The following GARRE1 variants were observed in gnomAD, a reference collection of about 807,000 sequenced individuals.
The protein encoded by GARRE1 is granule associated Rac and RHOG effector protein 1.
In GARRE1, 49 loss-of-function variants were observed where a neutral mutation model predicts 103.2. The ratio of observed to expected loss-of-function variants is 0.47; its 90% CI spans 0.38 to 0.60. The LOEUF (loss-of-function observed/expected upper bound fraction) is 0.60. Ranked by LOEUF, GARRE1 falls within the 20% of genes least tolerant of loss-of-function variation. GARRE1 has a pLI of 0.00. For synonymous variants in GARRE1, 505 were observed against 532.8 expected (o/e 0.95, Z 0.72); for missense variants, 1,199 against 1,370.5 (o/e 0.87, Z 1.98).
intron 7 of GARRE1, among the ~76,000 whole-genome samples, chr19:34,331,279 T>C (rs938556431): frequency 6.6e-6 from 1 of 152,182 alleles, no homozygotes; most frequent in Non-Finnish European, 1.5e-5. Flanking sequence ...TGGAGCTACA[T>C]TGGATGTCTG....
In GARRE1 at chr19:34,342,394, C is replaced by T; in HGVS notation, c.2460C>T (p.Asn820=). Residue 820 remains asparagine (N), a synonymous_variant, in exon 10 of 14, where the codon AAC becomes AAT. Transcript: ENST00000299505. ...PQGPRNNTWP[N]RDQSDGVFGM... is the part of the protein sequence containing the mutation. Reference sequence around the variant, plus strand: ...GACCTAGAAATAACACCTGGCCCAACCGTGACCAAAGTGATGGAGTCTTTG... The same window carrying T: ...GACCTAGAAATAACACCTGGCCCAATCGTGACCAAAGTGATGGAGTCTTTG... 6.2e-7 allele frequency: 1 copy of T among 1,614,162 alleles called. No individual in the cohort carries two copies. Among genetic ancestry groups the T allele is most frequent in the East Asian group, 2.2e-5 (1 of 44,882 alleles).
chr19:34,261,019 C>T (rs548482589), intron 1 of GARRE1, among the ~76,000 whole-genome samples: 1 of 152,304 alleles, frequency 6.6e-6, no homozygotes, highest in African/African-American at 2.4e-5. Flanking sequence ...GCAGCGTTCC[C>T]TCCACAAAGC....
intron 1 of GARRE1, among the ~76,000 whole-genome samples, chr19:34,270,266 C>T (rs773487866): frequency 2.0e-5 from 3 of 152,228 alleles, no homozygotes; most frequent in Non-Finnish European, 4.4e-5. Context: ...CTTTTCACTA[C>T]CTTCTTCCTC....
At chr19:34,307,814 A>AT (rs59757372) in intron 2 of GARRE1, among the ~76,000 whole-genome samples, 2,887 of 109,654 alleles carry the variant, frequency 0.026, 135 homozygotes, top group East Asian at 0.13. Flanking sequence ...ATATATATAT[A>AT]TTTTTTTTTT....
intron 2 of GARRE1, among the ~76,000 whole-genome samples, chr19:34,313,117 G>A (rs1027675266): frequency 6.6e-6 from 1 of 152,146 alleles, no homozygotes; most frequent in African/African-American, 2.4e-5. Context: ...TATCCCATGG[G>A]TGATTTCTAC....
intron 2 of GARRE1, among the ~76,000 whole-genome samples, chr19:34,306,474 G>C (rs1388863676): frequency 6.6e-6 from 1 of 152,194 alleles, no homozygotes. Context: ...GGTGGTTGCT[G>C]ACTGTGTGCT....
chr19:34,328,385 C>A (rs1568307674), intron 6 of GARRE1, among the ~76,000 whole-genome samples: 1 of 151,644 alleles, frequency 6.6e-6, no homozygotes. Flanking sequence ...AAAAATCAGC[C>A]GGGTACGGTG....
chr19:34,262,038 C>T (rs1195383880), intron 1 of GARRE1, among the ~76,000 whole-genome samples: 1 of 152,066 alleles, frequency 6.6e-6, no homozygotes, highest in African/African-American at 2.4e-5. Flanking sequence ...GGCTGGAAGG[C>T]AGTGGCAGGA....
At chr19:34,330,492 A>G (rs1306184574) in intron 7 of GARRE1, 145 bp downstream of exon 7, 2 of 751,012 alleles carry the variant, frequency 2.7e-6, no homozygotes, top group Non-Finnish European at 4.3e-6. Flanking sequence ...CAGGTAGACA[A>G]GGTAAAGGAA....
At chr19:34,348,838 T>C (rs2074224448) in intron 11 of GARRE1, 178 bp from the exon 12 acceptor site, 1 of 664,522 alleles carries the variant, frequency 1.5e-6, no homozygotes, top group Non-Finnish European at 2.6e-6. Context: ...AATTGATGAA[T>C]ATGTATTACT....
intron 1 of GARRE1, among the ~76,000 whole-genome samples, chr19:34,289,738 A>T (rs1176880930): frequency 6.6e-6 from 1 of 152,112 alleles, no homozygotes; most frequent in African/African-American, 2.4e-5. Context: ...AAAAAATAAA[A>T]AAAAGTAAAT....
intron 2 of GARRE1, among the ~76,000 whole-genome samples, chr19:34,318,779 T>A (rs1265884855): frequency 6.6e-6 from 1 of 152,152 alleles, no homozygotes; most frequent in Non-Finnish European, 1.5e-5. Context: ...TGGGAGCTCA[T>A]GCCTGTAATC....
intron 1 of GARRE1, among the ~76,000 whole-genome samples, chr19:34,268,154 A>G (rs1340770852): frequency 6.6e-6 from 1 of 152,050 alleles, no homozygotes; most frequent in East Asian, 1.9e-4. Flanking sequence ...CACTAGCAAC[A>G]CAATTTGTTG....
chr19:34,269,905 C>G (rs2073776293), intron 1 of GARRE1, among the ~76,000 whole-genome samples: 1 of 152,128 alleles, frequency 6.6e-6, no homozygotes, highest in South Asian at 2.1e-4. Flanking sequence ...GGCTAGTGTC[C>G]AGTTTTGTCC....
At chr19:34,255,179 C>T (rs1256011873) in intron 1 of GARRE1, among the ~76,000 whole-genome samples, 1 of 59,146 alleles carries the variant, frequency 1.7e-5, no homozygotes, top group Non-Finnish European at 3.7e-5. Flanking sequence ...GCATTGGGCC[C>T]GAGGGGAGGG....
intron 1 of GARRE1, among the ~76,000 whole-genome samples, chr19:34,261,495 G>T (rs1187364677): frequency 2.6e-5 from 4 of 152,112 alleles, no homozygotes; most frequent in African/African-American, 9.7e-5. Flanking sequence ...ACAGACACTG[G>T]GAAGTAATGA....
intron 13 of GARRE1, among the ~76,000 whole-genome samples, chr19:34,351,821 C>T (rs896499480): frequency 2.0e-5 from 3 of 152,210 alleles, no homozygotes; most frequent in African/African-American, 7.2e-5. Context: ...AAAATTCAGG[C>T]CGGGTGTGGT....
intron 1 of GARRE1, among the ~76,000 whole-genome samples, chr19:34,269,058 G>A (rs11669616): frequency 0.047 from 7,220 of 152,218 alleles, 245 homozygotes; most frequent in Non-Finnish European, 0.073. Flanking sequence ...TTTTGGCTCT[G>A]TTGACCTTGC....
rs71165649 is a variant in GARRE1 at position 34,323,023 on chromosome 19, C to CTTTTT, written c.705+2930_705+2934dup. Among the ~76,000 whole-genome samples the CTTTTT allele has an allele frequency of 2.9e-3, 191 of 66,706 alleles. 3 individuals carry two copies. Among genetic ancestry groups the CTTTTT allele is most frequent in the African/African-American group, 6.4e-3 (112 of 17,592 alleles). 43.8% of individuals were successfully genotyped at this position (66,706 alleles called of 152,430 possible). A position where few individuals can be genotyped will look rare whatever the true frequency, so the allele number is the denominator to read the frequency against. ...ATTAACTTGGCAAAGTATTTCTTTT[C>CTTTTT]TTTTTTTTTTTTTTTTTTTTTTTTT... On this transcript the variant is annotated intron_variant, in intron 3 of 13. Coordinates refer to ENST00000299505, the MANE Select transcript of GARRE1 (RefSeq NM_014686.5).
Sources: gnomAD v4.1 joint callset for allele counts (sites outside exome capture counted in the v4.1 genomes callset) on GRCh38, gnomAD v4.1.1 for gene constraint, MANE v1.5 for transcripts, NCBI Gene and HGNC (gene_info 2026-07-23, HGNC 2026-07-21) for gene names.